Variants in TENM3 observed in about 807,000 individuals in gnomAD.
TENM3 encodes the protein teneurin transmembrane protein 3.
TENM3 carries 63 observed loss-of-function variants against 255.1 expected under a neutral mutation model. That is an observed-to-expected ratio of 0.25 (90% CI 0.20 to 0.30). TENM3 has a LOEUF of 0.30. TENM3 is among the 10% of genes least tolerant of loss of function. TENM3 has a pLI of 1.00. For missense variants in TENM3, 2,929 were observed against 3,461.1 expected (o/e 0.85, Z 3.86); for synonymous variants, 1,306 against 1,322.3 (o/e 0.99, Z 0.27).
At chr4:182,772,718 T>C (rs944352350) in intron 22 of TENM3, 1 of 152,016 alleles carries the variant, frequency 6.6e-6, no homozygotes, top group African/African-American at 2.4e-5. Flanking sequence ...ACACTCAAAT[T>C]ATAAGTTACT....
chr4:182,064,307 G>A, the TENM3 span, among the ~76,000 whole-genome samples: 75 of 152,190 alleles, frequency 4.9e-4, no homozygotes, highest in Non-Finnish European at 7.9e-4. Context: ...GGCTGGGCGC[G>A]GTGGCTCACG....
At chr4:181,724,670 A>C in the TENM3 span, among the ~76,000 whole-genome samples, 11 of 152,314 alleles carry the variant, frequency 7.2e-5, no homozygotes, top group Non-Finnish European at 1.3e-4. Flanking sequence ...TCTACACTAA[A>C]AGCTTTGTTA....
chr4:181,943,081 G>C, the TENM3 span, among the ~76,000 whole-genome samples: 5 of 152,242 alleles, frequency 3.3e-5, no homozygotes, highest in East Asian at 3.9e-4. Flanking sequence ...GAACAAACTT[G>C]TGTTTTATGT....
intron 1 of TENM3, among the ~76,000 whole-genome samples, chr4:182,149,025 T>C (rs1750149620): frequency 6.6e-6 from 1 of 151,988 alleles, no homozygotes; most frequent in African/African-American, 2.4e-5. Context: ...GTATATATGA[T>C]TTCTAAAGAA....
At chr4:182,556,998 T>C (rs1157969574) in intron 3 of TENM3, among the ~76,000 whole-genome samples, 1 of 152,210 alleles carries the variant, frequency 6.6e-6, no homozygotes, top group Non-Finnish European at 1.5e-5. Flanking sequence ...TTTAAAATCA[T>C]ACATCTAATG....
the TENM3 span, among the ~76,000 whole-genome samples, chr4:181,801,888 T>C: frequency 6.6e-6 from 1 of 151,962 alleles, no homozygotes; most frequent in African/African-American, 2.4e-5. Context: ...CAAGTCACCA[T>C]TCTTTTTTGA....
At chr4:182,373,031 C>A (rs767482227) in intron 3 of TENM3, among the ~76,000 whole-genome samples, 1 of 152,146 alleles carries the variant, frequency 6.6e-6, no homozygotes, top group African/African-American at 2.4e-5. Flanking sequence ...TGAGCCACCA[C>A]ACCAGGCCTA....
At chr4:182,731,754 G>A (rs1760748103) in intron 16 of TENM3, among the ~76,000 whole-genome samples, 1 of 148,892 alleles carries the variant, frequency 6.7e-6, no homozygotes, top group African/African-American at 2.5e-5. Context: ...AGTAGACATT[G>A]TTATAGTAGG....
At chr4:182,003,838 C>T in the TENM3 span, among the ~76,000 whole-genome samples, 1 of 151,374 alleles carries the variant, frequency 6.6e-6, no homozygotes, top group Admixed American at 6.6e-5. Context: ...AAAATATTTC[C>T]CTGTGTGTAA....
chr4:181,783,492 T>C, the TENM3 span, among the ~76,000 whole-genome samples: 1 of 152,306 alleles, frequency 6.6e-6, no homozygotes, highest in African/African-American at 2.4e-5. Context: ...ATGTTCACAT[T>C]ATTTTTTCTT....
the TENM3 span, among the ~76,000 whole-genome samples, chr4:181,900,893 G>C: frequency 5.9e-5 from 9 of 152,254 alleles, no homozygotes; most frequent in East Asian, 1.2e-3. Context: ...TCAATGAGAG[G>C]CATCTATTTC....
chr4:181,751,045 T>C, the TENM3 span, among the ~76,000 whole-genome samples: 1,394 of 152,282 alleles, frequency 9.2e-3, 23 homozygotes, highest in African/African-American at 0.032. Flanking sequence ...GCTGGCTGCT[T>C]GTTCAAACTG....
intron 1 of TENM3, among the ~76,000 whole-genome samples, chr4:182,224,262 A>G (rs1756011918): frequency 6.6e-6 from 1 of 152,212 alleles, no homozygotes; most frequent in Non-Finnish European, 1.5e-5. Context: ...AATAAAAGTG[A>G]CAAAATTAGA....
chr4:182,708,179 A>C (rs1561138712), intron 12 of TENM3: 2 of 152,122 alleles, frequency 1.3e-5, no homozygotes, highest in Non-Finnish European at 2.9e-5. Context: ...GTTGTGGTGA[A>C]GATGAAATGA....
At chr4:182,514,396 A>T (rs537374899) in intron 3 of TENM3, among the ~76,000 whole-genome samples, 2 of 152,298 alleles carry the variant, frequency 1.3e-5, no homozygotes, top group Admixed American at 1.3e-4. Context: ...AGAGGTTTCA[A>T]AGGGGAAAGA....
chr4:182,085,716 T>C, the TENM3 span, among the ~76,000 whole-genome samples: 1 of 152,176 alleles, frequency 6.6e-6, no homozygotes, highest in African/African-American at 2.4e-5. Context: ...AATTTAAAGA[T>C]AGCTGAATGC....
At chr4:181,654,058 A>G in the TENM3 span, among the ~76,000 whole-genome samples, 3 of 151,768 alleles carry the variant, frequency 2.0e-5, no homozygotes, top group Admixed American at 2.0e-4. Context: ...CCTCCCTTAC[A>G]TCCTCACTGC....
chr4:182,443,453 T>C (rs1772660033), intron 3 of TENM3, among the ~76,000 whole-genome samples: 1 of 152,210 alleles, frequency 6.6e-6, no homozygotes, highest in African/African-American at 2.4e-5. Flanking sequence ...GGACACCTGA[T>C]GGCTTGACTT....
At chr4:181,675,460 A>C in the TENM3 span, among the ~76,000 whole-genome samples, 1 of 152,268 alleles carries the variant, frequency 6.6e-6, no homozygotes, top group East Asian at 1.9e-4. Context: ...TATCTGTTGC[A>C]ATTTGGGAAA....
Sources: allele counts gnomAD v4.1 joint callset (sites outside exome capture counted in the v4.1 genomes callset), GRCh38; gene constraint gnomAD v4.1.1; transcripts MANE v1.5; gene names NCBI Gene and HGNC (gene_info 2026-07-23, HGNC 2026-07-21).